The following CSMD2 variants were observed in gnomAD, a reference collection of about 807,000 sequenced individuals.
The protein encoded by CSMD2 is CUB and sushi domain-containing protein 2.
CSMD2 carries 130 observed loss-of-function variants against 398.5 expected under a neutral mutation model. The ratio of observed to expected loss-of-function variants is 0.33; its 90% CI spans 0.28 to 0.38. The LOEUF (loss-of-function observed/expected upper bound fraction) is 0.38. Among genes scored for constraint, CSMD2 ranks in the 10% least tolerant of loss-of-function variants. The pLI, the probability that CSMD2 is intolerant of heterozygous loss-of-function variation, is 1.00. For missense variants in CSMD2, 3,829 were observed against 4,764.9 expected (o/e 0.80, Z 5.78); for synonymous variants, 1,828 against 1,908.5 (o/e 0.96, Z 1.10).
chr1:33,582,878 T>C (rs1638826495), intron 47 of CSMD2, among the ~76,000 whole-genome samples: 1 of 152,230 alleles, frequency 6.6e-6, no homozygotes, highest in African/African-American at 2.4e-5. Context: ...AATGTAGCTG[T>C]TGATCTGGCC....
intron 3 of CSMD2, among the ~76,000 whole-genome samples, chr1:33,971,300 A>C (rs1017226019): frequency 6.6e-6 from 1 of 152,172 alleles, no homozygotes; most frequent in Non-Finnish European, 1.5e-5. Context: ...GGCCGGCAAA[A>C]GTGTCTCATG....
At chr1:33,793,951 GTC>G (rs1232747624) in intron 10 of CSMD2, among the ~76,000 whole-genome samples, 1 of 152,172 alleles carries the variant, frequency 6.6e-6, no homozygotes, top group African/African-American at 2.4e-5. Context: ...ATCTCTTTTT[GTC>G]TGTTTCAGTC....
intron 10 of CSMD2, chr1:33,804,603 A>G: frequency 1.5e-6 from 1 of 680,116 alleles, no homozygotes; most frequent in Non-Finnish European, 2.7e-6. Flanking sequence ...ACACTCCTCA[A>G]GGGCAGAGGC....
intron 46 of CSMD2, 66 bp downstream of exon 46, chr1:33,586,438 G>T: frequency 9.5e-7 from 1 of 1,055,188 alleles, no homozygotes; most frequent in Non-Finnish European, 1.5e-6. Flanking sequence ...AGAAAGAGGA[G>T]CAAAACAAGA....
intron 22 of CSMD2, among the ~76,000 whole-genome samples, chr1:33,707,695 GCACACACA>G (rs200504764): frequency 0.043 from 3,948 of 92,086 alleles, 83 homozygotes; most frequent in Non-Finnish European, 0.045. Flanking sequence ...GCGCGCGCGC[GCACACACA>G]CACACACACA....
intron 70 of CSMD2, among the ~76,000 whole-genome samples, chr1:33,517,740 G>C (rs975960733): frequency 6.6e-6 from 1 of 152,178 alleles, no homozygotes; most frequent in Non-Finnish European, 1.5e-5. Flanking sequence ...TAAATTGTTT[G>C]TATTCAGGAG....
intron 3 of CSMD2, among the ~76,000 whole-genome samples, chr1:33,950,207 C>T (rs1024042554): frequency 6.6e-6 from 1 of 152,180 alleles, no homozygotes. Context: ...ATTCTCTAAA[C>T]AACTAGTAGG....
At chr1:33,886,548 T>C (rs1031408618) in intron 5 of CSMD2, among the ~76,000 whole-genome samples, 1 of 152,170 alleles carries the variant, frequency 6.6e-6, no homozygotes, top group Non-Finnish European at 1.5e-5. Flanking sequence ...CCCCAGCCAC[T>C]GTTTTCACCG....
rs1659400264 is a variant in CSMD2, at chr1:33,569,659, G to C, written c.7958-112C>G. 3 of 1,099,616 alleles carry C rather than the reference G, an allele frequency of 2.7e-6. No individual in the cohort carries two copies. The Admixed American group carries it at 7.4e-5, about 27-fold the overall frequency. 68.1% of individuals were successfully genotyped at this position (1,099,616 alleles called of 1,614,324 possible). Reference sequence around the variant, plus strand: ...AGACCTGTTTAACCTTACTCTGCTGGAATTCCTGACCAGAATATGGGTTGT... The same window carrying C: ...AGACCTGTTTAACCTTACTCTGCTGCAATTCCTGACCAGAATATGGGTTGT... On this transcript the variant is annotated intron_variant, in intron 51 of 70. Coordinates refer to ENST00000373381, the MANE Select transcript of CSMD2 (RefSeq NM_001281956.2).
intron 15 of CSMD2, among the ~76,000 whole-genome samples, chr1:33,731,613 A>C (rs548240251): frequency 8.5e-5 from 13 of 152,192 alleles, no homozygotes; most frequent in African/African-American, 2.9e-4. Flanking sequence ...CAGATAAATG[A>C]CCCGACTTCT....
intron 13 of CSMD2, among the ~76,000 whole-genome samples, chr1:33,756,638 G>A (rs1161213470): frequency 2.0e-5 from 3 of 152,186 alleles, no homozygotes; most frequent in Non-Finnish European, 4.4e-5. Context: ...GGCCAGCATG[G>A]TAGGTAGAAG....
At chr1:34,019,465 C>T (rs769474318) in intron 3 of CSMD2, among the ~76,000 whole-genome samples, 14 of 152,350 alleles carry the variant, frequency 9.2e-5, no homozygotes, top group African/African-American at 1.2e-4. Flanking sequence ...AGCTGCTCCA[C>T]GTAGAGGGCA....
chr1:33,773,896 G>A lies in CSMD2; in HGVS notation c.1664-1145C>T, dbSNP rs144790788. Among the ~76,000 whole-genome samples the A allele has an allele frequency of 2.6e-4, 40 of 152,256 alleles. No homozygotes were observed. In the East Asian group the frequency reaches 7.0e-3, roughly 27 times the overall value. On this transcript the variant is annotated intron_variant, in intron 12 of 70. Transcript: ENST00000373381. The stretch of plus-strand genomic sequence containing the variant: ...CGGTAGACACCATCATGGGCTGTCA[G>A]AGCCACAGTCCCTGAAGTTGGTGTG...
chr1:33,678,192 C>A (rs981028365), intron 25 of CSMD2, among the ~76,000 whole-genome samples: 5 of 151,872 alleles, frequency 3.3e-5, no homozygotes, highest in Non-Finnish European at 7.4e-5. Flanking sequence ...GCTCGCTCCC[C>A]CTTCTCTATC....
At chr1:33,876,096 T>C (rs980614302) in intron 5 of CSMD2, among the ~76,000 whole-genome samples, 1 of 152,166 alleles carries the variant, frequency 6.6e-6, no homozygotes, top group Non-Finnish European at 1.5e-5. Context: ...CCTGTTACTA[T>C]GCCAGTTTAC....
chr1:34,089,259 G>A, intron 1 of CSMD2, 66 bp from the exon 2 acceptor site: 2 of 1,440,868 alleles, frequency 1.4e-6, no homozygotes, highest in Admixed American at 1.9e-5. Flanking sequence ...TAGAGAGTCA[G>A]GAGCAATGTG....
intron 19 of CSMD2, 74 bp from the exon 20 acceptor site, chr1:33,716,575 C>T: frequency 9.4e-7 from 1 of 1,066,180 alleles, no homozygotes; most frequent in African/African-American, 1.6e-5. Flanking sequence ...ACAGGATCTA[C>T]ACAAACATTT....
intron 56 of CSMD2, among the ~76,000 whole-genome samples, chr1:33,548,903 C>G (rs1331848572): frequency 6.6e-6 from 1 of 152,190 alleles, no homozygotes; most frequent in Non-Finnish European, 1.5e-5. Flanking sequence ...ATAGGCCTTC[C>G]TCTAGCCCAG....
chr1:34,072,188 C>A (rs775529435), intron 2 of CSMD2, among the ~76,000 whole-genome samples: 1 of 152,196 alleles, frequency 6.6e-6, no homozygotes, highest in African/African-American at 2.4e-5. Flanking sequence ...AATAATTTGG[C>A]TCTTTTGTCA....
Sources: allele counts gnomAD v4.1 joint callset (sites outside exome capture counted in the v4.1 genomes callset), GRCh38; gene constraint gnomAD v4.1.1; transcripts MANE v1.5; gene names NCBI Gene and HGNC (gene_info 2026-07-23, HGNC 2026-07-21).